The following SPHKAP variants were observed in gnomAD, a reference collection of about 807,000 sequenced individuals.
The protein encoded by SPHKAP is SPHK1 interactor, AKAP domain containing.
In SPHKAP, 67 loss-of-function variants were observed where a neutral mutation model predicts 137.5. The ratio of observed to expected loss-of-function variants is 0.49; its 90% CI spans 0.40 to 0.60. The LOEUF is 0.60. SPHKAP is among the 20% of genes least tolerant of loss of function. The pLI is 0.00. For missense variants in SPHKAP, 2,097 were observed against 2,069.3 expected, an observed-to-expected ratio of 1.01 and a Z score of -0.26; for synonymous variants, 813 against 785.3, an observed-to-expected ratio of 1.04 and a Z score of -0.59.
intron 1 of SPHKAP, among the ~76,000 whole-genome samples, chr2:228,176,983 TA>T (rs1175974636): frequency 2.1e-5 from 3 of 140,028 alleles, no homozygotes; most frequent in Admixed American, 7.2e-5. Context: ...TGTAACTCTG[TA>T]ACACCAAGAA....
intron 8 of SPHKAP, 98 bp from the exon 9 acceptor site, chr2:227,993,718 C>G: frequency 9.1e-7 from 1 of 1,097,718 alleles, no homozygotes; most frequent in Admixed American, 2.0e-5. Context: ...TTCCTTTGGT[C>G]CCCAGAAAAA....
In SPHKAP at chr2:227,991,200, A is replaced by G; in HGVS notation, c.4775-16T>C. The G allele has an allele frequency of 6.2e-7, 1 of 1,614,162 alleles. No homozygotes were observed. Among genetic ancestry groups the G allele is most frequent in the Non-Finnish European group, 8.5e-7 (1 of 1,180,016 alleles). ...GATGCAGGTGCTGAGAACAGACACA[A>G]CCACAGCCTTATCCTTCTTTCCAAA... is the stretch of plus-strand genomic sequence containing the variant. On this transcript the variant is annotated splice_polypyrimidine_tract_variant and intron_variant, in intron 10 of 11. Coordinates refer to ENST00000392056, the MANE Select transcript of SPHKAP (RefSeq NM_001142644.2).
intron 3 of SPHKAP, among the ~76,000 whole-genome samples, chr2:228,083,162 GA>G (rs770711080): frequency 1.3e-5 from 2 of 152,062 alleles, no homozygotes; most frequent in African/African-American, 4.8e-5. Context: ...AAATAAGAAA[GA>G]AAAAAAGAAA....
intron 3 of SPHKAP, among the ~76,000 whole-genome samples, chr2:228,066,201 G>A (rs935553466): frequency 1.3e-5 from 2 of 152,200 alleles, no homozygotes; most frequent in Non-Finnish European, 2.9e-5. Flanking sequence ...AAGTGTCAGA[G>A]AAGCCCCAAA....
Position 228,001,532 on chromosome 2 carries a change from T to C in SPHKAP, c.4449-5838A>G, listed in dbSNP as rs577702036. On this transcript the variant is annotated intron_variant, in intron 7 of 11. Coordinates refer to ENST00000392056, the MANE Select transcript of SPHKAP (RefSeq NM_001142644.2). ...GTATATATAAGAATATATATACATA[T>C]ATATAAAAATATACATATATATAAA... Among the ~76,000 whole-genome samples the C allele has an allele frequency of 4.1e-5, 6 of 144,606 alleles. No individual in the cohort carries two copies. The East Asian group carries it at 1.2e-3, about 28-fold the overall frequency. The allele number at this position is 144,606 out of a possible 152,430, so 94.9% of individuals were successfully genotyped here. A position where few individuals can be genotyped will look rare whatever the true frequency, so the allele number is the denominator to read the frequency against.
At chr2:228,141,187 C>T (rs1425754964) in intron 1 of SPHKAP, among the ~76,000 whole-genome samples, 1 of 152,126 alleles carries the variant, frequency 6.6e-6, no homozygotes, top group African/African-American at 2.4e-5. Flanking sequence ...TGTTGGCATT[C>T]AAGAATCTAA....
At chr2:228,066,402 G>GTC (rs1304338145) in intron 3 of SPHKAP, among the ~76,000 whole-genome samples, 3 of 152,214 alleles carry the variant, frequency 2.0e-5, no homozygotes, top group African/African-American at 7.2e-5. Context: ...TTCCAGCCTT[G>GTC]TCTCTCTCTC....
chr2:228,116,874 A>G (rs1178836345), intron 2 of SPHKAP, among the ~76,000 whole-genome samples: 1 of 152,152 alleles, frequency 6.6e-6, no homozygotes, highest in African/African-American at 2.4e-5. Context: ...ATGCTCTGCT[A>G]TAATCCACAG....
chr2:228,002,179 C>G (rs1158683378), intron 7 of SPHKAP, among the ~76,000 whole-genome samples: 1 of 152,134 alleles, frequency 6.6e-6, no homozygotes, highest in Non-Finnish European at 1.5e-5. Context: ...AGTTTACAGT[C>G]CCACCAACAG....
intron 3 of SPHKAP, among the ~76,000 whole-genome samples, chr2:228,088,560 A>G (rs887298050): frequency 2.0e-5 from 3 of 152,218 alleles, no homozygotes; most frequent in Non-Finnish European, 4.4e-5. Flanking sequence ...GTACTAAGCA[A>G]TATAGTTTGG....
intron 1 of SPHKAP, among the ~76,000 whole-genome samples, chr2:228,179,630 G>A (rs2106438916): frequency 6.6e-6 from 1 of 152,266 alleles, no homozygotes; most frequent in Admixed American, 6.5e-5. Flanking sequence ...GGAAATTGGT[G>A]AATAAAAAGT....
At chr2:228,090,247 A>T (rs138753958) in intron 3 of SPHKAP, among the ~76,000 whole-genome samples, 1 of 152,298 alleles carries the variant, frequency 6.6e-6, no homozygotes, top group African/African-American at 2.4e-5. Flanking sequence ...GAATCTTAAG[A>T]CTTAATGCCT....
intron 3 of SPHKAP, among the ~76,000 whole-genome samples, chr2:228,041,812 C>T (rs956003834): frequency 4.0e-5 from 6 of 151,758 alleles, no homozygotes; most frequent in African/African-American, 1.5e-4. Flanking sequence ...AGGACACTGG[C>T]CGTGGGAGGG....
At chr2:228,007,475 C>T (rs1694186894) in intron 7 of SPHKAP, among the ~76,000 whole-genome samples, 1 of 152,104 alleles carries the variant, frequency 6.6e-6, no homozygotes, top group Non-Finnish European at 1.5e-5. Flanking sequence ...CTGTCCACCT[C>T]CCCCAGTCCC....
At chr2:228,106,759 A>G (rs1207242798) in intron 3 of SPHKAP, among the ~76,000 whole-genome samples, 1 of 151,986 alleles carries the variant, frequency 6.6e-6, no homozygotes, top group Non-Finnish European at 1.5e-5. Context: ...GGAATGTGCA[A>G]CTCTGGACAT....
chr2:228,086,938 G>C (rs935883408), intron 3 of SPHKAP, among the ~76,000 whole-genome samples: 1 of 152,160 alleles, frequency 6.6e-6, no homozygotes, highest in African/African-American at 2.4e-5. Flanking sequence ...AAAACTCAAA[G>C]GCTAGCTCCA....
intron 7 of SPHKAP, among the ~76,000 whole-genome samples, chr2:228,009,167 T>C (rs1331011246): frequency 6.6e-6 from 1 of 152,214 alleles, no homozygotes; most frequent in Non-Finnish European, 1.5e-5. Context: ...AGTTTTTTTC[T>C]CCTTCAGCAT....
In SPHKAP at chr2:228,140,584, G is replaced by C. The variant is rs554919214; in HGVS notation, c.33-8499C>G. Among the ~76,000 whole-genome samples the C allele has an allele frequency of 9.2e-5, 14 of 152,196 alleles. No homozygotes were observed. The East Asian group carries it at 1.4e-3, about 15-fold the overall frequency. ...TAGAGGAGAAACTGAGGATTGATGA[G>C]GGTAACACGTAATCCAAGTGATATA... On this transcript the variant is annotated intron_variant, in intron 1 of 11. Transcript: ENST00000392056.
At chr2:228,020,259 C>A in intron 6 of SPHKAP, 103 bp from the exon 7 acceptor site, 2 of 1,441,058 alleles carry the variant, frequency 1.4e-6, no homozygotes, top group East Asian at 4.6e-5. Context: ...AATAAAGACA[C>A]ATGCACACAT....
Sources: allele counts gnomAD v4.1 joint callset (sites outside exome capture counted in the v4.1 genomes callset), GRCh38; gene constraint gnomAD v4.1.1; transcripts MANE v1.5; gene names NCBI Gene and HGNC (gene_info 2026-07-23, HGNC 2026-07-21).